Variants in PPP4R4 observed in about 807,000 individuals in gnomAD.
The protein encoded by PPP4R4 is serine/threonine-protein phosphatase 4 regulatory subunit 4.
A neutral mutation model predicts 121.8 loss-of-function variants in PPP4R4; 70 were observed. The ratio of observed to expected loss-of-function variants is 0.57; its 90% CI spans 0.47 to 0.70. PPP4R4 has a LOEUF of 0.70. PPP4R4 is among the 30% of genes least tolerant of loss of function. The pLI is 0.00. For synonymous variants in PPP4R4, 348 were observed against 355.7 expected (o/e 0.98, Z 0.24); for missense variants, 875 against 1,033.6 (o/e 0.85, Z 2.10).
intron 23 of PPP4R4, among the ~76,000 whole-genome samples, chr14:94,275,035 G>C (rs1894557742): frequency 6.6e-6 from 1 of 152,140 alleles, no homozygotes; most frequent in African/African-American, 2.4e-5. Flanking sequence ...ACAAAAAAGA[G>C]TATATGCTGT....
intron 23 of PPP4R4, among the ~76,000 whole-genome samples, chr14:94,273,057 A>T (rs1894426109): frequency 6.6e-6 from 1 of 152,220 alleles, no homozygotes; most frequent in Admixed American, 6.5e-5. Context: ...AAAATGGTAC[A>T]GCCACTATGG....
chr14:94,252,274 G>A (rs1030582301), intron 16 of PPP4R4, among the ~76,000 whole-genome samples: 4 of 152,146 alleles, frequency 2.6e-5, no homozygotes, highest in East Asian at 3.9e-4. Flanking sequence ...GTGAGCATCC[G>A]TTAGTTTCTA....
At chr14:94,199,049 C>A (rs779008647) in intron 2 of PPP4R4, among the ~76,000 whole-genome samples, 7 of 152,194 alleles carry the variant, frequency 4.6e-5, no homozygotes, top group African/African-American at 1.7e-4. Flanking sequence ...TAAGCTTGTT[C>A]ATTTCTGCAG....
rs76207481 is a variant in PPP4R4, at chr14:94,195,343, C to T, written c.192-13121C>T. ...GGGTGGGACCCAGTTTTAACAAGCC[C>T]TGTACAAGTGGATTCCGACACATGC... On this transcript the variant is annotated intron_variant, in intron 2 of 24. Coordinates refer to ENST00000304338, the MANE Select transcript of PPP4R4 (RefSeq NM_058237.2). 7.8e-3 allele frequency among the ~76,000 whole-genome samples: 1,184 copies of T among 152,300 alleles called. 16 individuals carry two copies. The highest frequency in any genetic ancestry group is 0.027 in the African/African-American group (1,113 of 41,560).
Position 94,239,696 on chromosome 14 carries a change from G to GT in PPP4R4, c.854-976dup, listed in dbSNP as rs139220599. 2.7e-3 allele frequency among the ~76,000 whole-genome samples: 414 copies of GT among 152,194 alleles called. 1 individual carries two copies. The highest frequency in any genetic ancestry group is 9.5e-3 in the African/African-American group (394 of 41,546). Reference sequence around the variant, plus strand: ...TTTTGTGATGCAAGAACAGAGCTGAGTAGTTGAGACAGAGCCTGCAAAGCC... The same window carrying GT: ...TTTTGTGATGCAAGAACAGAGCTGAGTTAGTTGAGACAGAGCCTGCAAAGCC... On this transcript the variant is annotated intron_variant, in intron 8 of 24. Coordinates refer to ENST00000304338, the MANE Select transcript of PPP4R4 (RefSeq NM_058237.2).
intron 15 of PPP4R4, among the ~76,000 whole-genome samples, chr14:94,251,321 A>C (rs1280648040): frequency 6.6e-6 from 1 of 152,020 alleles, no homozygotes; most frequent in Non-Finnish European, 1.5e-5. Flanking sequence ...GCTGTGTTTG[A>C]ATTCTAGCTC....
In PPP4R4 at chr14:94,259,294, G is replaced by A; in HGVS notation, c.2053-1G>A. 2 of 1,600,986 alleles carry A rather than the reference G, an allele frequency of 1.2e-6. No homozygotes were observed. Among genetic ancestry groups the A allele is most frequent in the Non-Finnish European group, 1.7e-6 (2 of 1,175,762 alleles). On this transcript the variant is annotated splice_acceptor_variant, in intron 18 of 24. Transcript: ENST00000304338. LOFTEE classifies it high-confidence loss of function. ...ACAATTTCATTTTAAACTTTAAACA[G>A]TTTCAGAAAAAGTTTTATGAGAAAG...
At chr14:94,256,761 A>G (rs933830410) in intron 17 of PPP4R4, among the ~76,000 whole-genome samples, 157 bp downstream of exon 17, 6 of 152,202 alleles carry the variant, frequency 3.9e-5, no homozygotes, top group African/African-American at 9.6e-5. Flanking sequence ...GATATGTGCT[A>G]CAACTGGATA....
At position 94,267,017 on chromosome 14, in the gene PPP4R4, C is replaced by T. The variant is rs561344922; in HGVS notation, c.2437C>T (p.Leu813Phe). The change falls in exon 23 of 25, where the codon CTT becomes TTT. Residue 813 changes from leucine (L) to phenylalanine (F), a missense_variant. Transcript: ENST00000304338. ...SVSGLGKTSV[L>F]SLADDSFRTR... The stretch of plus-strand genomic sequence containing the variant: ...CTCAGGGTTAGGAAAGACTTCTGTG[C>T]TTTCACTAGCTGGTAAGTAGCAATC... The T allele has an allele frequency of 1.3e-6, 2 of 1,590,396 alleles. No homozygotes were observed. The highest frequency in any genetic ancestry group is 2.2e-5 in the East Asian group (1 of 44,634).
In PPP4R4 at chr14:94,244,641, A is replaced by T; in HGVS notation, c.1273A>T (p.Lys425Ter). 6.7e-7 allele frequency: 1 copy of T among 1,497,938 alleles called. No homozygotes were observed. The highest frequency in any genetic ancestry group is 2.0e-5 in the Admixed American group (1 of 51,208). 92.8% of individuals were successfully genotyped at this position (1,497,938 alleles called of 1,614,324 possible). ...TIAICFYEVS[K>*]LLNSGVYLIH... ...CTTTATTGCTATATTTTAGGTATCT[A>T]AGCTTCTGAATTCTGGAGTATATTT... is the stretch of plus-strand genomic sequence containing the variant. The change falls in exon 12 of 25, where the codon AAG becomes TAG. Residue 425 changes from lysine (K) to a stop codon, truncating the protein, a stop_gained. Transcript: ENST00000304338. LOFTEE classifies it high-confidence loss of function.
chr14:94,208,087 A>C (rs1595474121), intron 2 of PPP4R4, among the ~76,000 whole-genome samples: 1 of 151,976 alleles, frequency 6.6e-6, no homozygotes, highest in East Asian at 1.9e-4. Flanking sequence ...TTACCGTAAT[A>C]AAATGTTACC....
At chr14:94,203,667 T>G (rs987223679) in intron 2 of PPP4R4, among the ~76,000 whole-genome samples, 5 of 152,212 alleles carry the variant, frequency 3.3e-5, no homozygotes, top group African/African-American at 1.2e-4. Context: ...CCGGCTTACA[T>G]TCCTAGCAGC....
Position 94,278,743 on chromosome 14 carries a change from TG to T in PPP4R4, c.*103del. 2 of 1,242,522 alleles carry T rather than the reference TG, an allele frequency of 1.6e-6. No homozygotes were observed. Among genetic ancestry groups the T allele is most frequent in the Non-Finnish European group, 2.1e-6 (2 of 941,626 alleles). The allele number at this position is 1,242,522 out of a possible 1,614,324, so 77.0% of individuals were successfully genotyped here. A position where few individuals can be genotyped will look rare whatever the true frequency, so the allele number is the denominator to read the frequency against. On this transcript the variant is annotated 3_prime_UTR_variant, in exon 25 of 25. Coordinates refer to ENST00000304338, the MANE Select transcript of PPP4R4 (RefSeq NM_058237.2). ...TGGCTGGGGCTTTGTTTTTAAATTTTGGGTTTTTTTTTTTGTTGTTGTTAAT... is the reference window on the plus strand; with the variant it reads ...TGGCTGGGGCTTTGTTTTTAAATTTTGGTTTTTTTTTTTGTTGTTGTTAAT...
intron 9 of PPP4R4, 91 bp downstream of exon 9, chr14:94,240,886 G>A: frequency 7.3e-7 from 1 of 1,368,298 alleles, no homozygotes; most frequent in Non-Finnish European, 9.5e-7. Context: ...TCAGTTAATT[G>A]TAAAGCCTAA....
intron 8 of PPP4R4, among the ~76,000 whole-genome samples, chr14:94,238,622 C>G (rs1440700922): frequency 6.6e-6 from 1 of 152,162 alleles, no homozygotes; most frequent in Admixed American, 6.5e-5. Context: ...GAATGTATGG[C>G]TAGACTCTTG....
At chr14:94,180,595 C>CTTTTTTTTTTTT (rs34648844) in intron 2 of PPP4R4, among the ~76,000 whole-genome samples, 1 of 123,934 alleles carries the variant, frequency 8.1e-6, no homozygotes, top group Non-Finnish European at 1.7e-5. Flanking sequence ...AAGAGCTTTG[C>CTTTTTTTTTTTT]TTTTTTTTTT....
intron 2 of PPP4R4, among the ~76,000 whole-genome samples, chr14:94,188,790 A>T (rs1337072138): frequency 2.0e-5 from 3 of 152,196 alleles, no homozygotes; most frequent in Non-Finnish European, 4.4e-5. Flanking sequence ...TTACTGTAGT[A>T]ATCATTTTAC....
At chr14:94,186,438 T>C (rs999668030) in intron 2 of PPP4R4, among the ~76,000 whole-genome samples, 3 of 152,256 alleles carry the variant, frequency 2.0e-5, no homozygotes, top group Non-Finnish European at 4.4e-5. Flanking sequence ...GTTAATTTAC[T>C]GCTTTTTATT....
At chr14:94,213,349 C>T (rs781500814) in intron 3 of PPP4R4, among the ~76,000 whole-genome samples, 18 of 152,256 alleles carry the variant, frequency 1.2e-4, no homozygotes, top group Non-Finnish European at 2.2e-4. Flanking sequence ...TCCATTTTGC[C>T]TCCTAGAGCA....
Sources: gnomAD v4.1 joint callset for allele counts (sites outside exome capture counted in the v4.1 genomes callset) on GRCh38, gnomAD v4.1.1 for gene constraint, MANE v1.5 for transcripts, NCBI Gene and HGNC (gene_info 2026-07-23, HGNC 2026-07-21) for gene names.